Variants in NAV2 observed in about 807,000 individuals in gnomAD.
NAV2 encodes the protein helicase, APC down-regulated 1.
Under a neutral mutation model 223.2 loss-of-function variants are expected in NAV2, and 54 were observed. The observed-to-expected ratio is 0.24, with a 90% confidence interval of 0.19 to 0.30. The LOEUF is 0.30. NAV2 is among the 10% of genes least tolerant of loss of function. The probability of loss-of-function intolerance (pLI) is 1.00; values close to 1 mark genes in which losing one functional copy is unlikely to be tolerated. For synonymous variants in NAV2, 1,279 were observed against 1,239.3 expected (o/e 1.03, Z -0.67); for missense variants, 2,806 against 3,147.5 (o/e 0.89, Z 2.60).
intron 1 of NAV2, among the ~76,000 whole-genome samples, chr11:19,358,276 A>T (rs1853735667): frequency 6.6e-6 from 1 of 152,192 alleles, no homozygotes; most frequent in East Asian, 1.9e-4. Context: ...ACAACATTGC[A>T]GCCTTGCATC....
At chr11:19,726,986 A>G (rs1178161114) in intron 1 of NAV2, among the ~76,000 whole-genome samples, 1 of 152,178 alleles carries the variant, frequency 6.6e-6, no homozygotes, top group Non-Finnish European at 1.5e-5. Context: ...GATGGGAGGG[A>G]TGGATGGAGT....
intron 2 of NAV2, among the ~76,000 whole-genome samples, chr11:19,839,289 C>G (rs2060392517): frequency 6.6e-6 from 1 of 151,950 alleles, no homozygotes; most frequent in Admixed American, 6.6e-5. Context: ...GTTGCTGTCA[C>G]ACAGGGAGGA....
intron 6 of NAV2, among the ~76,000 whole-genome samples, chr11:19,902,643 G>A (rs1346746776): frequency 6.6e-6 from 1 of 152,162 alleles, no homozygotes; most frequent in Non-Finnish European, 1.5e-5. Flanking sequence ...CTGTTACGTG[G>A]AAACTATCAC....
chr11:19,969,973 A>G (rs1208708162), intron 10 of NAV2, among the ~76,000 whole-genome samples: 1 of 152,092 alleles, frequency 6.6e-6, no homozygotes, highest in African/African-American at 2.4e-5. Context: ...AAGAAAAAAG[A>G]AATTAACAAC....
chr11:20,114,890 A>C, intron 37 of NAV2, 95 bp downstream of exon 37: 1 of 1,242,572 alleles, frequency 8.0e-7, no homozygotes, highest in Non-Finnish European at 1.1e-6. Flanking sequence ...AAGGTGACTA[A>C]ATCCAGCCTT....
At chr11:19,769,403 G>A (rs1312094572) in intron 1 of NAV2, among the ~76,000 whole-genome samples, 4 of 152,212 alleles carry the variant, frequency 2.6e-5, no homozygotes, top group African/African-American at 7.2e-5. Flanking sequence ...GCTAAACAAT[G>A]GCACCTTCAT....
intron 6 of NAV2, among the ~76,000 whole-genome samples, chr11:19,898,173 G>C (rs12574645): frequency 0.17 from 26,382 of 151,720 alleles, 2,616 homozygotes; most frequent in East Asian, 0.45. Flanking sequence ...GCATATAGAA[G>C]ATACTTTCTT....
chr11:19,599,823 G>A (rs2046306417), intron 1 of NAV2, among the ~76,000 whole-genome samples: 1 of 152,120 alleles, frequency 6.6e-6, no homozygotes, highest in Non-Finnish European at 1.5e-5. Context: ...TCTAGTTACT[G>A]GGAACGTTTC....
chr11:20,036,154 T>C, intron 12 of NAV2, 57 bp downstream of exon 12: 12 of 1,608,112 alleles, frequency 7.5e-6, no homozygotes. Context: ...CAGGGAACCT[T>C]GGGCTTGTGG....
chr11:19,795,011 C>T (rs1281149087), intron 1 of NAV2, among the ~76,000 whole-genome samples: 1 of 152,162 alleles, frequency 6.6e-6, no homozygotes, highest in Non-Finnish European at 1.5e-5. Context: ...ACTCAGTACC[C>T]TATGGAGTAA....
intron 1 of NAV2, among the ~76,000 whole-genome samples, chr11:19,564,139 C>T (rs1185689410): frequency 6.6e-6 from 1 of 152,178 alleles, no homozygotes; most frequent in Admixed American, 6.5e-5. Flanking sequence ...TGTGAGAAGC[C>T]TGGCCTACCC....
At chr11:19,393,814 A>G (rs1849336799) in intron 1 of NAV2, among the ~76,000 whole-genome samples, 1 of 151,520 alleles carries the variant, frequency 6.6e-6, no homozygotes, top group South Asian at 2.1e-4. Context: ...TGCTCGCCTT[A>G]AATTTGAAAT....
At chr11:19,603,310 G>C (rs1466516917) in intron 1 of NAV2, among the ~76,000 whole-genome samples, 6 of 152,146 alleles carry the variant, frequency 3.9e-5, no homozygotes, top group Non-Finnish European at 8.8e-5. Flanking sequence ...CTATGTGCCA[G>C]GCATGTTTCT....
At chr11:20,083,214 G>T in intron 26 of NAV2, 35 bp downstream of exon 26, 1 of 1,577,324 alleles carries the variant, frequency 6.3e-7, no homozygotes, top group East Asian at 2.2e-5. Context: ...AACATCTTTG[G>T]CCCCTGAGAA....
At chr11:19,957,586 G>A (rs1404232535) in intron 10 of NAV2, among the ~76,000 whole-genome samples, 1 of 152,160 alleles carries the variant, frequency 6.6e-6, no homozygotes, top group Admixed American at 6.5e-5. Context: ...CTCCCTCCAC[G>A]GTGGACCCAC....
In NAV2 at chr11:19,552,962, G is replaced by A. The variant is rs16936973; in HGVS notation, c.75+201935G>A. 2.0e-3 allele frequency among the ~76,000 whole-genome samples: 301 copies of A among 152,284 alleles called. 3 individuals are homozygous for A. In the East Asian group the frequency reaches 0.033, roughly 17 times the overall value. On this transcript the variant is annotated intron_variant, in intron 1 of 37. Coordinates refer to the NAV2 transcript ENST00000360655. ...CTTCTCAAGGCAGGGAAAGGAACGC[G>A]TAAGCTGAAATTCTTTTTCTTGTCC... is the stretch of plus-strand genomic sequence containing the variant.
chr11:19,855,582 C>A (rs1170272752), intron 3 of NAV2, among the ~76,000 whole-genome samples: 1 of 152,150 alleles, frequency 6.6e-6, no homozygotes, highest in Admixed American at 6.6e-5. Context: ...AGTGTCGTCT[C>A]GTATACTTTC....
intron 27 of NAV2, 25 bp from the exon 28 acceptor site, chr11:20,092,181 G>T: frequency 6.2e-7 from 1 of 1,603,826 alleles, no homozygotes; most frequent in Non-Finnish European, 8.5e-7. Flanking sequence ...GCCTACTAAG[G>T]GAGCTTCTCC....
At chr11:19,895,150 A>G (rs1032982801) in intron 6 of NAV2, among the ~76,000 whole-genome samples, 7 of 128,004 alleles carry the variant, frequency 5.5e-5, no homozygotes, top group Admixed American at 9.7e-5. Flanking sequence ...CACTCTGTCA[A>G]TCAGGCTGGA....
Sources: gnomAD v4.1 joint callset for allele counts (sites outside exome capture counted in the v4.1 genomes callset) on GRCh38, gnomAD v4.1.1 for gene constraint, MANE v1.5 for transcripts, NCBI Gene and HGNC (gene_info 2026-07-23, HGNC 2026-07-21) for gene names.